FANCL: variants seen among roughly 807,000 people sequenced by gnomAD.
FANCL encodes the protein E3 ubiquitin-protein ligase FANCL.
FANCL carries 69 observed loss-of-function variants against 59.4 expected under a neutral mutation model. The observed-to-expected ratio is 1.16, with a 90% CI of 0.96 to 1.42. FANCL has a LOEUF of 1.42. Ranked by LOEUF, FANCL falls within the 40% of genes most tolerant of loss-of-function variation. The pLI is 0.00. For synonymous variants in FANCL, 180 were observed against 147.1 expected, an observed-to-expected ratio of 1.22 and a Z score of -1.62; for missense variants, 519 against 447.2, an observed-to-expected ratio of 1.16 and a Z score of -1.45.
At chr2:58,174,523 T>G (rs1687063191) in intron 7 of FANCL, among the ~76,000 whole-genome samples, 1 of 152,158 alleles carries the variant, frequency 6.6e-6, no homozygotes, top group African/African-American at 2.4e-5. Context: ...CTGAACAACC[T>G]GCTCCAGAAT....
chr2:58,169,205 AG>A (rs1686276550), intron 7 of FANCL, among the ~76,000 whole-genome samples: 2 of 152,330 alleles, frequency 1.3e-5, no homozygotes, highest in East Asian at 1.9e-4. Flanking sequence ...TTCCAGAGAA[AG>A]GAACAGGCAG....
intron 7 of FANCL, among the ~76,000 whole-genome samples, chr2:58,186,131 A>G (rs1297985353): frequency 1.3e-5 from 2 of 152,178 alleles, no homozygotes; most frequent in Non-Finnish European, 1.5e-5. Flanking sequence ...ATTTGAGAGA[A>G]GCCTAGTGCA....
rs149446792 is a variant in FANCL at position 58,180,333 on chromosome 2, A to G, written c.541-14459T>C. Among the ~76,000 whole-genome samples the G allele has an allele frequency of 5.9e-3, 895 of 152,322 alleles. 12 individuals are homozygous for G. The highest frequency in any genetic ancestry group is 0.02 in the African/African-American group (845 of 41,580). ...TTGAAACCAACCCAAACGCCCATCAATGATAGACTGGAAAAGAAAATGTGG... is the reference window on the plus strand; with the variant it reads ...TTGAAACCAACCCAAACGCCCATCAGTGATAGACTGGAAAAGAAAATGTGG... On this transcript the variant is annotated intron_variant, in intron 7 of 13. Transcript: ENST00000233741.
intron 6 of FANCL, among the ~76,000 whole-genome samples, chr2:58,202,691 G>T (rs1212594691): frequency 1.3e-5 from 2 of 151,576 alleles, no homozygotes; most frequent in Non-Finnish European, 3.0e-5. Context: ...CCTTGAAAAA[G>T]TATAGAAAAA....
At chr2:58,220,287 A>C (rs1692341566) in intron 5 of FANCL, among the ~76,000 whole-genome samples, 1 of 152,232 alleles carries the variant, frequency 6.6e-6, no homozygotes, top group Non-Finnish European at 1.5e-5. Flanking sequence ...ATAAAAAATT[A>C]AGTCTACATA....
Position 58,233,151 on chromosome 2 carries a change from G to T in FANCL, c.97-1039C>A, listed in dbSNP as rs1321005374. On this transcript the variant is annotated intron_variant, in intron 1 of 13. Transcript: ENST00000233741. ...CACTGTTTCATTAAAGCACTAAAAG[G>T]TATTATGTAGTAACTTTAACCTAAC... 2.0e-5 allele frequency among the ~76,000 whole-genome samples: 3 copies of T among 151,956 alleles called. No homozygotes were observed. The East Asian group carries it at 5.8e-4, about 29-fold the overall frequency.
chr2:58,224,098 T>A (rs3771221), intron 4 of FANCL, among the ~76,000 whole-genome samples: 39,623 of 151,592 alleles, frequency 0.26, 6,268 homozygotes, highest in South Asian at 0.41. Context: ...AAATCAGAGA[T>A]CTCAAAATTT....
At chr2:58,189,330 G>T (rs896290481) in intron 7 of FANCL, among the ~76,000 whole-genome samples, 1 of 152,056 alleles carries the variant, frequency 6.6e-6, no homozygotes, top group Non-Finnish European at 1.5e-5. Context: ...GATCTACACA[G>T]CAGTAGATGT....
chr2:58,207,459 T>G (rs1374161250), intron 5 of FANCL, among the ~76,000 whole-genome samples: 7 of 152,158 alleles, frequency 4.6e-5, no homozygotes, highest in Admixed American at 2.6e-4. Context: ...AGCGGATGGC[T>G]GAGAAACAAA....
intron 7 of FANCL, among the ~76,000 whole-genome samples, chr2:58,183,321 G>A (rs1294478020): frequency 1.3e-5 from 2 of 151,718 alleles, no homozygotes; most frequent in African/African-American, 4.8e-5. Flanking sequence ...CAGAGTTACA[G>A]GATGGTGAAA....
intron 7 of FANCL, 166 bp downstream of exon 7, chr2:58,198,428 G>A (rs1689657838): frequency 1.6e-6 from 1 of 622,488 alleles, no homozygotes; most frequent in Non-Finnish European, 2.9e-6. Context: ...ACAGAAGAGT[G>A]TGCACAGGCT....
intron 7 of FANCL, among the ~76,000 whole-genome samples, chr2:58,174,232 G>A (rs1378587394): frequency 3.3e-5 from 5 of 152,114 alleles, no homozygotes; most frequent in Admixed American, 6.6e-5. Context: ...AGATCAACAA[G>A]ACAGAAAGTT....
intron 3 of FANCL, among the ~76,000 whole-genome samples, chr2:58,227,411 TTTA>T (rs1167079602): frequency 6.6e-6 from 1 of 152,110 alleles, no homozygotes; most frequent in Non-Finnish European, 1.5e-5. Context: ...AGTGCAAGGT[TTTA>T]TTAAGTGCAA....
At position 58,173,953 on chromosome 2, in the gene FANCL, A is replaced by C. The variant is rs557155054; in HGVS notation, c.541-8079T>G. On this transcript the variant is annotated intron_variant, in intron 7 of 13. Transcript: ENST00000233741. ...AAGGATGGAGGAAGATCTACCAAGC[A>C]AATGGAAAACAAAAAAAGGCAGGGG... is the stretch of plus-strand genomic sequence containing the variant. Among the ~76,000 whole-genome samples, 509 of 152,230 alleles carry C rather than the reference A, an allele frequency of 3.3e-3. 2 individuals carry two copies. Among genetic ancestry groups the C allele is most frequent in the Middle Eastern group, 0.014 (4 of 294 alleles).
intron 5 of FANCL, among the ~76,000 whole-genome samples, chr2:58,217,450 G>A (rs1205452600): frequency 6.6e-6 from 1 of 150,890 alleles, no homozygotes; most frequent in Non-Finnish European, 1.5e-5. Flanking sequence ...AAAGAAAATA[G>A]AGAAAAAGAG....
chr2:58,231,855 T>G (rs984408995), intron 2 of FANCL, among the ~76,000 whole-genome samples, 199 bp downstream of exon 2: 1 of 152,212 alleles, frequency 6.6e-6, no homozygotes, highest in Non-Finnish European at 1.5e-5. Flanking sequence ...AGAGAACTAA[T>G]GTTTAAAAGC....
At chr2:58,227,069 C>T (rs1360241502) in intron 3 of FANCL, among the ~76,000 whole-genome samples, 1 of 152,194 alleles carries the variant, frequency 6.6e-6, no homozygotes, top group African/African-American at 2.4e-5. Flanking sequence ...CTGTTTACTA[C>T]TGAATCCCTT....
intron 7 of FANCL, among the ~76,000 whole-genome samples, chr2:58,168,315 TG>T (rs972844701): frequency 1.3e-5 from 2 of 151,994 alleles, no homozygotes; most frequent in African/African-American, 4.8e-5. Context: ...CAAAGCAGGG[TG>T]GGCTATCACC....
intron 5 of FANCL, among the ~76,000 whole-genome samples, chr2:58,206,741 G>A (rs1469070784): frequency 6.6e-6 from 1 of 152,156 alleles, no homozygotes; most frequent in Non-Finnish European, 1.5e-5. Context: ...AAATGGCCAT[G>A]AGGTTGATTT....
Sources: gnomAD v4.1 joint callset for allele counts (sites outside exome capture counted in the v4.1 genomes callset) on GRCh38, gnomAD v4.1.1 for gene constraint, MANE v1.5 for transcripts, NCBI Gene and HGNC (gene_info 2026-07-23, HGNC 2026-07-21) for gene names.